CCDC88A: variants seen among roughly 807,000 people sequenced by gnomAD.
CCDC88A encodes the protein coiled-coil and HOOK domain protein 88A.
CCDC88A carries 54 observed loss-of-function variants against 234.3 expected under a neutral mutation model. The ratio of observed to expected loss-of-function variants is 0.23; its 90% CI spans 0.19 to 0.29. The LOEUF is 0.29. CCDC88A is among the 10% of genes least tolerant of loss of function. The pLI is 1.00. For missense variants in CCDC88A, 1,832 were observed against 2,123.4 expected (o/e 0.86, Z 2.70); for synonymous variants, 753 against 737.8 (o/e 1.02, Z -0.33).
At chr2:55,391,942 A>G (rs1431314843) in intron 2 of CCDC88A, among the ~76,000 whole-genome samples, 1 of 152,198 alleles carries the variant, frequency 6.6e-6, no homozygotes, top group Non-Finnish European at 1.5e-5. Flanking sequence ...AATCTCTTTC[A>G]GGCTGGAGGT....
chr2:55,296,753 G>A (rs1044996042), intron 29 of CCDC88A: 1 of 527,994 alleles, frequency 1.9e-6, no homozygotes, highest in Non-Finnish European at 3.3e-6. Flanking sequence ...AGCTCCATAA[G>A]GGCAAAGACT....
chr2:55,324,447 T>C (rs544600891), intron 17 of CCDC88A: 12 of 152,302 alleles, frequency 7.9e-5, no homozygotes, highest in African/African-American at 2.4e-4. Flanking sequence ...ACAAATATGA[T>C]CACAGTATAT....
rs1412056891 is a variant in CCDC88A at position 55,317,815 on chromosome 2, T to C, written c.3351A>G (p.Gln1117=). 4 of 1,606,540 alleles carry C rather than the reference T, an allele frequency of 2.5e-6. No homozygotes were observed. The highest frequency in any genetic ancestry group is 2.2e-5 in the East Asian group (1 of 44,758). The change falls in exon 20 of 33, where the codon CAA becomes CAG. Residue 1117 remains glutamine (Q), a synonymous_variant. Coordinates refer to ENST00000436346, the MANE Select transcript of CCDC88A (RefSeq NM_001365480.1). The surrounding 1 kb of genome is among the most constrained non-coding windows in gnomAD (Gnocchi z 4.2). ...LQVENSTLNS[Q]STSLMNQNAQ... is the part of the protein sequence containing the mutation. ...CATTCTGGTTCATGAGTGAGGTACTTTGGGAATTAAGGGTGGAATTTTCAA... is the reference window on the plus strand; with the variant it reads ...CATTCTGGTTCATGAGTGAGGTACTCTGGGAATTAAGGGTGGAATTTTCAA...
chr2:55,295,777 G>A lies in CCDC88A; in HGVS notation c.5371C>T (p.Arg1791Ter). The A allele has an allele frequency of 6.2e-7, 1 of 1,614,180 alleles. No individual in the cohort carries two copies. Among genetic ancestry groups the A allele is most frequent in the Non-Finnish European group, 8.5e-7 (1 of 1,180,028 alleles). The change falls in exon 31 of 33, where the codon CGA (arginine) becomes TGA (stop). Residue 1791 changes from arginine to a stop codon, truncating the protein, a stop_gained. Coordinates refer to ENST00000436346, the MANE Select transcript of CCDC88A (RefSeq NM_001365480.1). LOFTEE classifies it high-confidence loss of function. ...TAAGGGTTACTATCTTTTGATTGTC[G>A]TGACAGAGAAGATTCTTTTACTAAT... is the stretch of plus-strand genomic sequence containing the variant. ...IKLVKESSLS[R>*]QSKDSNPYAT... is the part of the protein sequence containing the mutation.
chr2:55,346,214 C>T lies in CCDC88A; in HGVS notation c.1002G>A (p.Glu334=). ...TATAAAATTCAATATCATGTAGTCT[C>T]TCTTTATATCTGCTGACTTCACTTT... The part of the protein sequence containing the change: ...KLESEVSRYK[E]RLHDIEFYKA... Residue 334 remains glutamate, a synonymous_variant, in exon 10 of 33, where the codon GAG becomes GAA. Coordinates refer to ENST00000436346, the MANE Select transcript of CCDC88A (RefSeq NM_001365480.1). 6.2e-7 allele frequency: 1 copy of T among 1,610,546 alleles called. No individual in the cohort carries two copies.
chr2:55,418,778 CAAAGA>C, intron 2 of CCDC88A, 33 bp downstream of exon 2: 1 of 1,525,510 alleles, frequency 6.6e-7, no homozygotes. Flanking sequence ...TGCTATTTCT[CAAAGA>C]AAACGTTACC....
At position 55,289,247 on chromosome 2, in the gene CCDC88A, T is replaced by C. The variant is rs560160195; in HGVS notation, c.*1953A>G. 2.0e-5 allele frequency: 3 copies of C among 152,774 alleles called. 1 individual carries two copies. The highest frequency in any genetic ancestry group is 4.1e-4 in the South Asian group (2 of 4,828). The allele number at this position is 152,774 out of a possible 1,614,324, so 9.5% of individuals were successfully genotyped here. On this transcript the variant is annotated 3_prime_UTR_variant, in exon 33 of 33. Coordinates refer to ENST00000436346, the MANE Select transcript of CCDC88A (RefSeq NM_001365480.1). ...CCATTAAATTTCAGCTTTTCAGTAA[T>C]TGTTCTGGGATGTGTTCTAGTTGTG...
At chr2:55,364,123 A>G (rs1267873555) in intron 5 of CCDC88A, 90 bp from the exon 6 acceptor site, 3 of 562,796 alleles carry the variant, frequency 5.3e-6, no homozygotes, top group Non-Finnish European at 5.9e-6. Context: ...GAGGTTTGCT[A>G]TATTTTGAAA....
At chr2:55,412,129 C>T (rs1052672315) in intron 2 of CCDC88A, among the ~76,000 whole-genome samples, 4 of 152,122 alleles carry the variant, frequency 2.6e-5, no homozygotes, top group Non-Finnish European at 5.9e-5. Flanking sequence ...TTACAACTTA[C>T]GACATGCCAA....
intron 2 of CCDC88A, among the ~76,000 whole-genome samples, chr2:55,415,159 T>C (rs1223168566): frequency 1.3e-5 from 2 of 151,252 alleles, no homozygotes; most frequent in African/African-American, 2.4e-5. Context: ...ATTAAAAGTA[T>C]ATAAACAGCC....
intron 27 of CCDC88A, 157 bp from the exon 28 acceptor site, chr2:55,301,434 A>T (rs72799521): frequency 1.1e-3 from 558 of 520,124 alleles, no homozygotes; most frequent in Admixed American, 2.8e-3. Context: ...GGAACTAGGA[A>T]TAAGAAAAAT....
rs533710139 is a variant in CCDC88A at position 55,309,656 on chromosome 2, T to A, written c.4080-402A>T. On this transcript the variant is annotated intron_variant, in intron 23 of 32. Transcript: ENST00000436346. The surrounding 1 kb of genome is among the most constrained non-coding windows in gnomAD (Gnocchi z 5.1). ...CCTGACTCCAGCAATGCATGAGTCA[T>A]CGCATCCTAGTCTCATTGTTATATT... Among the ~76,000 whole-genome samples, 30 of 152,266 alleles carry A rather than the reference T, an allele frequency of 2.0e-4. No individual in the cohort carries two copies. The highest frequency in any genetic ancestry group is 3.5e-4 in the Non-Finnish European group (24 of 68,002).
intron 31 of CCDC88A, chr2:55,294,866 A>T: frequency 9.5e-7 from 1 of 1,055,078 alleles, no homozygotes; most frequent in Non-Finnish European, 1.1e-6. Context: ...AGTAATTAAT[A>T]TTTCATGCAG....
intron 2 of CCDC88A, among the ~76,000 whole-genome samples, chr2:55,401,162 G>C (rs1483125713): frequency 4.6e-5 from 7 of 151,688 alleles, no homozygotes. Flanking sequence ...AGGGGAGGTG[G>C]CTCATACCCA....
intron 12 of CCDC88A, among the ~76,000 whole-genome samples, chr2:55,342,026 C>G (rs955248259): frequency 2.6e-5 from 4 of 152,074 alleles, no homozygotes; most frequent in African/African-American, 9.7e-5. Flanking sequence ...AGTTTACATT[C>G]CCACCTATTC....
chr2:55,322,739 C>T (rs1156957216), intron 17 of CCDC88A, 47 bp from the exon 18 acceptor site: 2 of 1,040,458 alleles, frequency 1.9e-6, no homozygotes, highest in South Asian at 1.9e-5. Context: ...AAAATCACCA[C>T]AGTTACATTT....
At chr2:55,409,718 G>T (rs1680151821) in intron 2 of CCDC88A, among the ~76,000 whole-genome samples, 1 of 142,704 alleles carries the variant, frequency 7.0e-6, no homozygotes, top group South Asian at 2.3e-4. Context: ...GTAAACAGGG[G>T]GATGTGCCTA....
intron 28 of CCDC88A, chr2:55,300,697 G>C (rs1025894165): frequency 2.6e-5 from 4 of 152,796 alleles, no homozygotes; most frequent in African/African-American, 9.7e-5. Flanking sequence ...TTTTAGTAGA[G>C]ATGGGGTTTC....
At chr2:55,383,958 T>C (rs1028813055) in intron 3 of CCDC88A, among the ~76,000 whole-genome samples, 18 of 152,094 alleles carry the variant, frequency 1.2e-4, no homozygotes, top group Non-Finnish European at 2.4e-4. Flanking sequence ...GCGAAAGTAA[T>C]TGCGCTCAAG....
Sources: allele counts gnomAD v4.1 joint callset (sites outside exome capture counted in the v4.1 genomes callset), GRCh38; gene constraint gnomAD v4.1.1; non-coding constraint Gnocchi (gnomAD v3.1); transcripts MANE v1.5; gene names NCBI Gene and HGNC (gene_info 2026-07-23, HGNC 2026-07-21).